ADGRV1: variants seen among roughly 807,000 people sequenced by gnomAD.
ADGRV1 encodes G-protein coupled receptor 98.
ADGRV1 carries 359 observed loss-of-function variants against 596.2 expected under a neutral mutation model. That is an observed-to-expected ratio of 0.60 (90% CI 0.55 to 0.66). ADGRV1 has a LOEUF of 0.66. Ranked by LOEUF, ADGRV1 falls within the 30% of genes least tolerant of loss-of-function variation. ADGRV1 has a pLI of 0.00. For synonymous variants in ADGRV1, 2,681 were observed against 2,679.2 expected (o/e 1.00, Z -0.02); for missense variants, 7,274 against 7,575.6 (o/e 0.96, Z 1.48).
At chr5:90,866,591 G>C (rs1379977513) in intron 83 of ADGRV1, among the ~76,000 whole-genome samples, 2 of 151,958 alleles carry the variant, frequency 1.3e-5, no homozygotes, top group Non-Finnish European at 2.9e-5. Context: ...CTGGGCAAGA[G>C]GGTATTTGCA....
chr5:91,090,181 A>T (rs916040432), intron 86 of ADGRV1, among the ~76,000 whole-genome samples: 1 of 152,116 alleles, frequency 6.6e-6, no homozygotes, highest in Non-Finnish European at 1.5e-5. Context: ...AGAGCACTTA[A>T]CCTTTTCCTT....
intron 85 of ADGRV1, among the ~76,000 whole-genome samples, chr5:91,040,472 A>C (rs1328491588): frequency 6.6e-6 from 1 of 152,182 alleles, no homozygotes; most frequent in Non-Finnish European, 1.5e-5. Context: ...GGTCTCTAAA[A>C]TATTTGCTAA....
intron 86 of ADGRV1, among the ~76,000 whole-genome samples, chr5:91,085,155 C>G (rs1364256056): frequency 6.6e-6 from 1 of 152,140 alleles, no homozygotes; most frequent in Non-Finnish European, 1.5e-5. Flanking sequence ...GTGCAGCAAA[C>G]CAACATGGCA....
rs759300700 is a variant in ADGRV1, at chr5:90,614,857, A to G, written c.45A>G (p.Leu15=). The change falls in exon 2 of 90, where the codon TTA becomes TTG. Residue 15 remains leucine, a synonymous_variant. Coordinates refer to ENST00000405460, the MANE Select transcript of ADGRV1 (RefSeq NM_032119.4). ...TAGGGATGCCCTCTGCATCTTTATT[A>G]GTAAATCTTCTTTCAGCTTTACTCA... ...LGPGMPSASL[L]VNLLSALLIL... is the part of the protein sequence containing the mutation. 5 of 1,610,020 alleles carry G rather than the reference A, an allele frequency of 3.1e-6. No individual in the cohort carries two copies. The highest frequency in any genetic ancestry group is 1.3e-5 in the African/African-American group (1 of 74,812).
At chr5:90,806,367 G>T (rs897015957) in intron 72 of ADGRV1, among the ~76,000 whole-genome samples, 6 of 152,196 alleles carry the variant, frequency 3.9e-5, no homozygotes, top group African/African-American at 1.2e-4. Context: ...AGGTGCCCCT[G>T]ATGTGATGTC....
At chr5:91,079,804 G>T (rs1053994092) in intron 86 of ADGRV1, among the ~76,000 whole-genome samples, 2 of 152,140 alleles carry the variant, frequency 1.3e-5, no homozygotes, top group African/African-American at 2.4e-5. Context: ...GGCTATTTCA[G>T]TACTAAACTA....
At chr5:90,697,235 C>T in intron 34 of ADGRV1, 89 bp downstream of exon 34, 1 of 1,184,038 alleles carries the variant, frequency 8.4e-7, no homozygotes, top group Non-Finnish European at 1.2e-6. Flanking sequence ...TAGTTTTTCC[C>T]TTTCATTATT....
At chr5:90,943,656 A>T (rs376571645) in intron 83 of ADGRV1, among the ~76,000 whole-genome samples, 98 of 152,214 alleles carry the variant, frequency 6.4e-4, no homozygotes, top group African/African-American at 2.1e-3. Context: ...AGCATCCTCC[A>T]TCTAAAAAGT....
chr5:90,875,598 G>A (rs1769146257), intron 83 of ADGRV1, among the ~76,000 whole-genome samples: 1 of 152,202 alleles, frequency 6.6e-6, no homozygotes, highest in South Asian at 2.1e-4. Flanking sequence ...AGATGGAGGG[G>A]AAGAGGGAGA....
chr5:90,791,513 A>T (rs1760076229), intron 70 of ADGRV1, 167 bp downstream of exon 70: 2 of 588,498 alleles, frequency 3.4e-6, no homozygotes, highest in African/African-American at 1.9e-5. Flanking sequence ...TTTGCAGATT[A>T]TAATAAGTAT....
chr5:90,784,268 A>G (rs1170437769), intron 67 of ADGRV1, among the ~76,000 whole-genome samples: 1 of 152,172 alleles, frequency 6.6e-6, no homozygotes, highest in Non-Finnish European at 1.5e-5. Flanking sequence ...AGGGCTTGTT[A>G]GAAATGAAGT....
intron 87 of ADGRV1, among the ~76,000 whole-genome samples, chr5:91,130,565 G>A (rs960680135): frequency 6.8e-6 from 1 of 146,974 alleles, no homozygotes; most frequent in Non-Finnish European, 1.5e-5. Flanking sequence ...TTGAATAGGA[G>A]ACATCAAAAC....
chr5:91,047,528 A>G (rs1027451051), intron 85 of ADGRV1, among the ~76,000 whole-genome samples: 1 of 152,142 alleles, frequency 6.6e-6, no homozygotes, highest in Non-Finnish European at 1.5e-5. Context: ...TCATCTTTCC[A>G]TGTTCTTCTG....
At chr5:91,074,347 G>A (rs1259246857) in intron 86 of ADGRV1, among the ~76,000 whole-genome samples, 1 of 152,006 alleles carries the variant, frequency 6.6e-6, no homozygotes, top group Non-Finnish European at 1.5e-5. Flanking sequence ...CCTCAAGTAG[G>A]CCCCAGTGTC....
chr5:90,778,079 C>T (rs1257372531), intron 62 of ADGRV1, 36 bp downstream of exon 62: 1 of 1,542,632 alleles, frequency 6.5e-7, no homozygotes. Context: ...ATGCCCTTTA[C>T]TCTCTGTGCT....
Position 90,702,984 on chromosome 5 carries a change from G to C in ADGRV1, c.8156-681G>C, listed in dbSNP as rs1748099866. 5.9e-5 allele frequency among the ~76,000 whole-genome samples: 9 copies of C among 152,000 alleles called. No individual in the cohort carries two copies. In the South Asian group the frequency reaches 1.9e-3, roughly 32 times the overall value. Reference sequence around the variant, plus strand: ...CCTAACAGCTTACTTTATGCTTTTAGCAATTTGAAAGACATGTTATGATTT... The same window carrying C: ...CCTAACAGCTTACTTTATGCTTTTACCAATTTGAAAGACATGTTATGATTT... On this transcript the variant is annotated intron_variant, in intron 34 of 89. Coordinates refer to ENST00000405460, the MANE Select transcript of ADGRV1 (RefSeq NM_032119.4).
At chr5:90,690,683 A>G (rs1746352644) in intron 30 of ADGRV1, 114 bp from the exon 31 acceptor site, 3 of 1,065,548 alleles carry the variant, frequency 2.8e-6, no homozygotes, top group Non-Finnish European at 4.1e-6. Flanking sequence ...TGTGGGTTAT[A>G]GCTACTTAGA....
In ADGRV1 at chr5:90,805,316, G is replaced by A; in HGVS notation, c.14694G>A (p.Met4898Ile). The change falls in exon 72 of 90, where the codon ATG becomes ATA. Residue 4898 changes from methionine to isoleucine, a missense_variant. Physicochemically the swap from Met to Ile is conservative, Grantham distance 10. Around this residue, in one of 5 missense-constraint regions of ADGRV1, gnomAD observed 1,874 missense variants for 1,970.2 expected, o/e 0.95. Transcript: ENST00000405460. ...TTGAATCCACTGCTTTTCAACTCAT[G>A]AACATCACTGCTGGCACAAGCCACG... ...VGFESTAFQL[M>I]NITAGTSHVM... 1 of 1,612,824 alleles carries A rather than the reference G, an allele frequency of 6.2e-7. No individual in the cohort carries two copies. Among genetic ancestry groups the A allele is most frequent in the South Asian group, 1.1e-5 (1 of 90,962 alleles).
chr5:90,559,059 C>A, intron 1 of ADGRV1, 142 bp downstream of exon 1: 1 of 619,234 alleles, frequency 1.6e-6, no homozygotes, highest in Non-Finnish European at 2.5e-6. Flanking sequence ...GCTGGGCGCG[C>A]ACCCGGCGCC....
Sources: allele counts gnomAD v4.1 joint callset (sites outside exome capture counted in the v4.1 genomes callset), GRCh38; gene constraint gnomAD v4.1.1; regional missense constraint gnomAD v4.1.1; transcripts MANE v1.5; gene names NCBI Gene and HGNC (gene_info 2026-07-23, HGNC 2026-07-21).